The following DPYSL2 variants were observed in gnomAD, a reference collection of about 807,000 sequenced individuals.
The protein encoded by DPYSL2 is dihydropyrimidinase-related protein 2.
DPYSL2 carries 13 observed loss-of-function variants against 69.9 expected under a neutral mutation model. The observed-to-expected ratio is 0.19, with a 90% CI of 0.12 to 0.30. The LOEUF (loss-of-function observed/expected upper bound fraction) is 0.30. Ranked by LOEUF, DPYSL2 falls within the 10% of genes least tolerant of loss-of-function variation. DPYSL2 has a pLI of 1.00. For synonymous variants in DPYSL2, 326 were observed against 359.1 expected, an observed-to-expected ratio of 0.91 and a Z score of 1.04; for missense variants, 587 against 918.9, an observed-to-expected ratio of 0.64 and a Z score of 4.67.
chr8:26,569,682 T>C (rs146444132), intron 1 of DPYSL2, among the ~76,000 whole-genome samples: 1 of 152,276 alleles, frequency 6.6e-6, no homozygotes, highest in Non-Finnish European at 1.5e-5. Flanking sequence ...TAATTGTTGC[T>C]ATTAAAGAGA....
At chr8:26,538,525 A>G (rs1234593284) in intron 1 of DPYSL2, among the ~76,000 whole-genome samples, 1 of 152,186 alleles carries the variant, frequency 6.6e-6, no homozygotes, top group Non-Finnish European at 1.5e-5. Context: ...GCCAAGGAAC[A>G]CTAACAGCTT....
rs998296487 is a variant in DPYSL2, at chr8:26,620,395, T to C, written c.629-3748T>C. Among the ~76,000 whole-genome samples the C allele has an allele frequency of 2.0e-5, 3 of 152,126 alleles. No individual in the cohort carries two copies. The highest frequency in any genetic ancestry group is 6.5e-5 in the Admixed American group (1 of 15,272). The stretch of plus-strand genomic sequence containing the variant: ...CCTCAGCCTCCTGAGTAGCTGGGAT[T>C]ACAGGCACCTGCCACCACACCCAGT... On this transcript the variant is annotated intron_variant, in intron 3 of 13. Transcript: ENST00000521913. The surrounding 1 kb of genome is among the most constrained non-coding windows in gnomAD (Gnocchi z 4.5).
chr8:26,596,757 G>A (rs138611044), intron 3 of DPYSL2, among the ~76,000 whole-genome samples: 262 of 152,342 alleles, frequency 1.7e-3, no homozygotes, highest in African/African-American at 5.6e-3. Flanking sequence ...CTGCAAGTGC[G>A]AGGGCTGGGA....
chr8:26,632,428 T>C (rs1802799454), intron 7 of DPYSL2, among the ~76,000 whole-genome samples: 1 of 152,176 alleles, frequency 6.6e-6, no homozygotes, highest in Non-Finnish European at 1.5e-5. Context: ...GAGATGAGGA[T>C]AATGAAGAAC....
rs1402814822 is a variant in DPYSL2, at chr8:26,593,256, C to T, written c.628+9273C>T. 6.6e-6 allele frequency among the ~76,000 whole-genome samples: 1 copy of T among 152,016 alleles called. No individual in the cohort carries two copies. The highest frequency in any genetic ancestry group is 1.5e-5 in the Non-Finnish European group (1 of 68,018). ...GGCAGTGGTTTAAAAACCTTGACTG[C>T]ACATTAGAATCCCCTGGGGAGTTGT... On this transcript the variant is annotated intron_variant, in intron 3 of 13. Transcript: ENST00000521913. The surrounding 1 kb of genome is among the most constrained non-coding windows in gnomAD (Gnocchi z 5.7).
rs145358896 is a variant in DPYSL2, at chr8:26,594,440, G to A, written c.628+10457G>A. Among the ~76,000 whole-genome samples the A allele has an allele frequency of 1.2e-3, 185 of 151,990 alleles. 2 individuals carry two copies. Among genetic ancestry groups the A allele is most frequent in the African/African-American group, 4.0e-3 (165 of 41,406 alleles). The stretch of plus-strand genomic sequence containing the variant: ...GCCTCCAGAAGCTTACGAAATGATC[G>A]TCTACCAAATCTACCATCTATCTAT... On this transcript the variant is annotated intron_variant, in intron 3 of 13. Coordinates refer to ENST00000521913, the MANE Select transcript of DPYSL2 (RefSeq NM_001197293.3).
In DPYSL2 at chr8:26,644,721, TACTC is replaced by T. The variant is rs759774074; in HGVS notation, c.1425+632_1425+635del. On this transcript the variant is annotated intron_variant, in intron 10 of 13. Transcript: ENST00000521913. The surrounding 1 kb of genome is among the most constrained non-coding windows in gnomAD (Gnocchi z 4.5). ...AAACTTCCTTAGCAACCAGGTGACT[TACTC>T]AGTTAATCCTCGTCTACTCTTGGAA... Among the ~76,000 whole-genome samples, 9 of 152,144 alleles carry T rather than the reference TACTC, an allele frequency of 5.9e-5. No homozygotes were observed. Among genetic ancestry groups the T allele is most frequent in the Non-Finnish European group, 1.0e-4 (7 of 68,028 alleles).
At chr8:26,584,899 A>G (rs1180391775) in intron 3 of DPYSL2, among the ~76,000 whole-genome samples, 2 of 152,144 alleles carry the variant, frequency 1.3e-5, no homozygotes, top group African/African-American at 2.4e-5. Context: ...GATTACAGGC[A>G]TGAGCCACCG....
intron 1 of DPYSL2, among the ~76,000 whole-genome samples, chr8:26,531,311 G>A (rs1800508108): frequency 6.6e-6 from 1 of 152,092 alleles, no homozygotes; most frequent in African/African-American, 2.4e-5. Context: ...CAGCTCGGGG[G>A]CTCATGGAAG....
chr8:26,534,624 T>A (rs962780415), intron 1 of DPYSL2, among the ~76,000 whole-genome samples: 23 of 151,946 alleles, frequency 1.5e-4, no homozygotes, highest in East Asian at 1.9e-4. Flanking sequence ...TGTATTTTTT[T>A]ATTTTATTTA....
chr8:26,627,337 G>A lies in DPYSL2; in HGVS notation c.936+42G>A, dbSNP rs768950931. 2.5e-6 allele frequency: 4 copies of A among 1,600,046 alleles called. No homozygotes were observed. The highest frequency in any genetic ancestry group is 1.1e-5 in the South Asian group (1 of 90,656). ...TTCGTCATTTCTTCATCACCTGGAG[G>A]GTGAGAGGCAGGCTCAAGAAAGGGA... is the stretch of plus-strand genomic sequence containing the variant. On this transcript the variant is annotated intron_variant, in intron 6 of 13. Coordinates refer to ENST00000521913, the MANE Select transcript of DPYSL2 (RefSeq NM_001197293.3). This position sits in a 1 kb window ranked among gnomAD's most constrained non-coding sequence, Gnocchi z 6.9.
At chr8:26,601,657 G>C (rs1342376392) in intron 3 of DPYSL2, among the ~76,000 whole-genome samples, 1 of 151,458 alleles carries the variant, frequency 6.6e-6, no homozygotes, top group African/African-American at 2.4e-5. Flanking sequence ...GATTATAGGC[G>C]TGAGCCACAG....
Position 26,646,204 on chromosome 8 carries a change from G to GT in DPYSL2, c.1426-1411dup, listed in dbSNP as rs35346128. 2.4e-4 allele frequency among the ~76,000 whole-genome samples: 35 copies of GT among 148,290 alleles called. No homozygotes were observed. The East Asian group carries it at 3.5e-3, about 15-fold the overall frequency. ...TGGTTGAACATTTATGTTGTTTCTG[G>GT]TTTTTTTTTTTTTTTAACTTGAATG... On this transcript the variant is annotated intron_variant, in intron 10 of 13. Coordinates refer to ENST00000521913, the MANE Select transcript of DPYSL2 (RefSeq NM_001197293.3).
intron 1 of DPYSL2, among the ~76,000 whole-genome samples, chr8:26,559,534 T>C (rs1460979320): frequency 6.6e-6 from 1 of 152,212 alleles, no homozygotes; most frequent in Non-Finnish European, 1.5e-5. Flanking sequence ...AAAATTGTCC[T>C]TTAGTAAAGT....
At position 26,626,784 on chromosome 8, in the gene DPYSL2, G is replaced by A; in HGVS notation, c.855+106G>A. Reference sequence around the variant, plus strand: ...ATGTATGCATGTTTCCTAGCTTCCTGGGAAGTGGCTGGTGGATGCAGTTAC... The same window carrying A: ...ATGTATGCATGTTTCCTAGCTTCCTAGGAAGTGGCTGGTGGATGCAGTTAC... On this transcript the variant is annotated intron_variant, in intron 5 of 13. Coordinates refer to ENST00000521913, the MANE Select transcript of DPYSL2 (RefSeq NM_001197293.3). This position sits in a 1 kb window ranked among gnomAD's most constrained non-coding sequence, Gnocchi z 4.3. The A allele has an allele frequency of 5.0e-6, 6 of 1,202,826 alleles. No individual in the cohort carries two copies. Among genetic ancestry groups the A allele is most frequent in the Admixed American group, 1.9e-5 (1 of 52,830 alleles). 74.5% of individuals were successfully genotyped at this position (1,202,826 alleles called of 1,614,324 possible). A position where few individuals can be genotyped will look rare whatever the true frequency, so the allele number is the denominator to read the frequency against.
chr8:26,613,158 G>T (rs777303971), intron 3 of DPYSL2, among the ~76,000 whole-genome samples: 2 of 152,222 alleles, frequency 1.3e-5, no homozygotes, highest in African/African-American at 4.8e-5. Context: ...CTAGGGTTGT[G>T]CCTGTGTTCA....
At chr8:26,534,328 A>C (rs1041948160) in intron 1 of DPYSL2, among the ~76,000 whole-genome samples, 15 of 152,050 alleles carry the variant, frequency 9.9e-5, no homozygotes, top group African/African-American at 3.4e-4. Context: ...CTACAGGGGC[A>C]TACCACCACA....
At chr8:26,559,823 C>G (rs942087980) in intron 1 of DPYSL2, among the ~76,000 whole-genome samples, 1 of 152,128 alleles carries the variant, frequency 6.6e-6, no homozygotes, top group Non-Finnish European at 1.5e-5. Context: ...TCTCAAGGTT[C>G]CCTCTAACTA....
rs1020529179 is a variant in DPYSL2, at chr8:26,607,209, G to T, written c.629-16934G>T. On this transcript the variant is annotated intron_variant, in intron 3 of 13. Coordinates refer to ENST00000521913, the MANE Select transcript of DPYSL2 (RefSeq NM_001197293.3). ...GTCATTAAAATTTATTTTGGGGGCC[G>T]GGTGGTGCCTCACGCCTGTTATCCC... Among the ~76,000 whole-genome samples, 8 of 152,296 alleles carry T rather than the reference G, an allele frequency of 5.3e-5. No homozygotes were observed. In the East Asian group the frequency reaches 1.4e-3, roughly 26 times the overall value.
Sources: allele counts gnomAD v4.1 joint callset (sites outside exome capture counted in the v4.1 genomes callset), GRCh38; gene constraint gnomAD v4.1.1; non-coding constraint Gnocchi (gnomAD v3.1); transcripts MANE v1.5; gene names NCBI Gene and HGNC (gene_info 2026-07-23, HGNC 2026-07-21).